Variants in IGSF21 observed in about 807,000 individuals in gnomAD.
IGSF21 encodes immunoglobin superfamily member 21, also known as immunoglobulin superfamily member 21.
In IGSF21, 28 loss-of-function variants were observed where a neutral mutation model predicts 46.8. The observed-to-expected ratio is 0.60, with a 90% CI of 0.44 to 0.82. The LOEUF (loss-of-function observed/expected upper bound fraction) is 0.82. Among genes scored for constraint, IGSF21 ranks in the 40% least tolerant of loss-of-function variants. The pLI is 0.00. For synonymous variants in IGSF21, 284 were observed against 273.6 expected, an observed-to-expected ratio of 1.04 and a Z score of -0.38; for missense variants, 624 against 665.5, an observed-to-expected ratio of 0.94 and a Z score of 0.69.
chr1:18,197,628 A>G (rs1205089929), intron 1 of IGSF21, among the ~76,000 whole-genome samples: 1 of 152,236 alleles, frequency 6.6e-6, no homozygotes, highest in Non-Finnish European at 1.5e-5. Flanking sequence ...AGACGTTGGA[A>G]TGCTCCAGAG....
intron 3 of IGSF21, among the ~76,000 whole-genome samples, chr1:18,317,492 G>C (rs2085554984): frequency 6.6e-6 from 1 of 152,212 alleles, no homozygotes; most frequent in African/African-American, 2.4e-5. Flanking sequence ...CCACACCTGA[G>C]AGCCAGGACA....
At chr1:18,199,221 G>A (rs112933411) in intron 1 of IGSF21, among the ~76,000 whole-genome samples, 4,003 of 152,126 alleles carry the variant, frequency 0.026, 59 homozygotes, top group South Asian at 0.038. Context: ...CATCAGTGGC[G>A]TGCCCTGAGT....
intron 1 of IGSF21, among the ~76,000 whole-genome samples, chr1:18,166,051 C>G (rs1195883725): frequency 1.3e-5 from 2 of 152,188 alleles, no homozygotes; most frequent in Admixed American, 6.5e-5. Flanking sequence ...CGTGGTAAAA[C>G]TGCTAGCAAG....
At chr1:18,272,382 C>G (rs1426309736) in intron 2 of IGSF21, among the ~76,000 whole-genome samples, 2 of 152,176 alleles carry the variant, frequency 1.3e-5, no homozygotes, top group Non-Finnish European at 2.9e-5. Context: ...GCTACATGAT[C>G]TTGGGCCAGT....
intron 2 of IGSF21, among the ~76,000 whole-genome samples, chr1:18,256,594 C>G (rs1557610245): frequency 6.6e-6 from 1 of 152,096 alleles, no homozygotes; most frequent in Non-Finnish European, 1.5e-5. Context: ...TGGATGTTTC[C>G]CAAGGGGGAA....
At chr1:18,192,235 A>G (rs1026186627) in intron 1 of IGSF21, among the ~76,000 whole-genome samples, 8 of 152,218 alleles carry the variant, frequency 5.3e-5, no homozygotes, top group African/African-American at 1.9e-4. Context: ...ATAAGGATGC[A>G]ACAAGATCAG....
intron 1 of IGSF21, among the ~76,000 whole-genome samples, chr1:18,157,534 C>T (rs1358565833): frequency 6.6e-6 from 1 of 152,216 alleles, no homozygotes; most frequent in African/African-American, 2.4e-5. Flanking sequence ...GCAGGGGGTT[C>T]ATTCATCTCT....
chr1:18,305,314 GGATGGATGGAT>G (rs1260233354), intron 3 of IGSF21, among the ~76,000 whole-genome samples: 2 of 151,464 alleles, frequency 1.3e-5, no homozygotes, highest in African/African-American at 2.4e-5. Context: ...GATAGATAAT[GGATGGATGGAT>G]GATGGATGGA....
chr1:18,357,998 G>A (rs1448588418), intron 4 of IGSF21, among the ~76,000 whole-genome samples: 4 of 152,140 alleles, frequency 2.6e-5, no homozygotes, highest in Admixed American at 2.6e-4. Flanking sequence ...CAGGGTCTGT[G>A]TGGGTGGTGC....
chr1:18,375,746 C>T lies in IGSF21; in HGVS notation c.1016-564C>T, dbSNP rs75429319. ...GGAGACCCGCACCTTGATCTTGGCTCTCCTCAAGGTGTGACCTTTGGCAAA... is the reference window on the plus strand; with the variant it reads ...GGAGACCCGCACCTTGATCTTGGCTTTCCTCAAGGTGTGACCTTTGGCAAA... On this transcript the variant is annotated intron_variant, in intron 6 of 9. Coordinates refer to ENST00000251296, the MANE Select transcript of IGSF21 (RefSeq NM_032880.5). Among the ~76,000 whole-genome samples the T allele has an allele frequency of 3.9e-3, 588 of 152,312 alleles. 5 individuals carry two copies. The highest frequency in any genetic ancestry group is 0.036 in the East Asian group (187 of 5,186).
At chr1:18,354,486 T>C (rs1207964953) in intron 4 of IGSF21, among the ~76,000 whole-genome samples, 1 of 152,002 alleles carries the variant, frequency 6.6e-6, no homozygotes, top group East Asian at 1.9e-4. Flanking sequence ...ATTAAAAAGG[T>C]GGTTTTCTTC....
chr1:18,108,748 C>T (rs1274221344), intron 1 of IGSF21, among the ~76,000 whole-genome samples: 5 of 151,520 alleles, frequency 3.3e-5, no homozygotes, highest in Non-Finnish European at 7.4e-5. Context: ...TCACGTGTGT[C>T]CCGAGTGTGC....
At chr1:18,128,456 T>C (rs1047085893) in intron 1 of IGSF21, among the ~76,000 whole-genome samples, 1 of 152,180 alleles carries the variant, frequency 6.6e-6, no homozygotes, top group Non-Finnish European at 1.5e-5. Flanking sequence ...ATTCCTTCCC[T>C]GGATGGGGCC....
intron 1 of IGSF21, among the ~76,000 whole-genome samples, chr1:18,195,897 A>G (rs951708037): frequency 3.3e-5 from 5 of 152,178 alleles, no homozygotes; most frequent in Admixed American, 3.3e-4. Flanking sequence ...GGTCCAGACT[A>G]TGGTATGGGA....
intron 1 of IGSF21, among the ~76,000 whole-genome samples, chr1:18,162,327 G>T (rs888501929): frequency 2.0e-5 from 3 of 152,198 alleles, no homozygotes; most frequent in South Asian, 2.1e-4. Context: ...GATTACAGGT[G>T]TGAGCCACCG....
At chr1:18,168,714 C>T (rs2086704146) in intron 1 of IGSF21, among the ~76,000 whole-genome samples, 1 of 152,232 alleles carries the variant, frequency 6.6e-6, no homozygotes, top group Non-Finnish European at 1.5e-5. Context: ...AGGCACTTTA[C>T]ACATATTATC....
At chr1:18,220,394 G>A (rs1173641243) in intron 1 of IGSF21, among the ~76,000 whole-genome samples, 2 of 152,076 alleles carry the variant, frequency 1.3e-5, no homozygotes, top group Non-Finnish European at 2.9e-5. Context: ...ACCTGAGGTC[G>A]GGGGAGACTT....
At chr1:18,247,779 G>T (rs1340136955) in intron 2 of IGSF21, among the ~76,000 whole-genome samples, 3 of 152,146 alleles carry the variant, frequency 2.0e-5, no homozygotes, top group Non-Finnish European at 4.4e-5. Flanking sequence ...GCAACCCTAG[G>T]GGTGGGTACT....
chr1:18,231,054 A>T (rs1230853718), intron 2 of IGSF21, among the ~76,000 whole-genome samples: 1 of 152,154 alleles, frequency 6.6e-6, no homozygotes, highest in Non-Finnish European at 1.5e-5. Flanking sequence ...CTTGGAAGGA[A>T]ATGAATAGAT....
Sources: gnomAD v4.1 joint callset for allele counts (sites outside exome capture counted in the v4.1 genomes callset) on GRCh38, gnomAD v4.1.1 for gene constraint, MANE v1.5 for transcripts, NCBI Gene and HGNC (gene_info 2026-07-23, HGNC 2026-07-21) for gene names.